DAPK2: variants seen among roughly 807,000 people sequenced by gnomAD.
DAPK2 encodes death-associated protein kinase 2.
Under a neutral mutation model 44.1 loss-of-function variants are expected in DAPK2, and 35 were observed. The ratio of observed to expected loss-of-function variants is 0.79; its 90% CI spans 0.61 to 1.05. The LOEUF is 1.05. DAPK2 is among the 50% of genes least tolerant of loss of function. DAPK2 has a pLI of 0.00. For synonymous variants in DAPK2, 174 were observed against 182.6 expected (o/e 0.95, Z 0.38); for missense variants, 453 against 483.2 (o/e 0.94, Z 0.59).
intron 3 of DAPK2, among the ~76,000 whole-genome samples, chr15:63,967,280 A>G (rs1483213520): frequency 1.3e-5 from 2 of 152,292 alleles, no homozygotes; most frequent in South Asian, 2.1e-4. Flanking sequence ...TTTTTTGTGT[A>G]TGGATAGTTG....
At chr15:64,027,181 G>A (rs944549919) in intron 1 of DAPK2, among the ~76,000 whole-genome samples, 4 of 152,106 alleles carry the variant, frequency 2.6e-5, no homozygotes, top group African/African-American at 4.8e-5. Context: ...TCAGGAATTC[G>A]AGACCAGCCA....
chr15:63,945,866 G>A (rs1013810914), intron 3 of DAPK2, among the ~76,000 whole-genome samples: 7 of 152,176 alleles, frequency 4.6e-5, no homozygotes, highest in Admixed American at 1.3e-4. Flanking sequence ...GTGTAAAGGC[G>A]CAGGTCTCCT....
upstream of DAPK2, among the ~76,000 whole-genome samples, chr15:64,044,715 C>T (rs535859343): frequency 4.1e-4 from 62 of 152,298 alleles, no homozygotes; most frequent in African/African-American, 1.5e-3. Flanking sequence ...ATAGGAAACT[C>T]TCAACACTCA....
intron 1 of DAPK2, among the ~76,000 whole-genome samples, chr15:64,026,074 C>T (rs1317835070): frequency 1.3e-5 from 2 of 152,078 alleles, no homozygotes; most frequent in Admixed American, 6.6e-5. Context: ...ACCCTGTGGA[C>T]GGCTGACTGG....
chr15:63,948,529 G>A (rs1248590405), intron 3 of DAPK2, among the ~76,000 whole-genome samples: 5 of 151,914 alleles, frequency 3.3e-5, no homozygotes, highest in Non-Finnish European at 7.4e-5. Flanking sequence ...GGCACTAAGG[G>A]GAAAATCCGC....
At chr15:64,012,317 T>C (rs779520897) in intron 1 of DAPK2, among the ~76,000 whole-genome samples, 19 of 152,236 alleles carry the variant, frequency 1.2e-4, no homozygotes, top group Non-Finnish European at 2.6e-4. Flanking sequence ...TCAAGAAATG[T>C]GATAAATCGA....
At position 63,925,678 on chromosome 15, in the gene DAPK2, GCACACACACA is replaced by G. The variant is rs3222873; in HGVS notation, c.812+253_812+262del. On this transcript the variant is annotated intron_variant, in intron 7 of 10. Coordinates refer to ENST00000261891, the Ensembl canonical transcript of DAPK2. ...AAAGAAACCCAGGCTGACTTGTAGC[GCACACACACA>G]CACACACACACACACACACACACAC... 4.2e-3 allele frequency among the ~76,000 whole-genome samples: 577 copies of G among 138,528 alleles called. 2 individuals carry two copies. The highest frequency in any genetic ancestry group is 0.015 in the African/African-American group (523 of 35,704). The allele number at this position is 138,528 out of a possible 152,430, so 90.9% of individuals were successfully genotyped here.
rs912767305 is a variant in DAPK2, at chr15:64,015,966, T to C, written c.92+24204A>G. On this transcript the variant is annotated intron_variant, in intron 1 of 10. Transcript: ENST00000261891. The stretch of plus-strand genomic sequence containing the variant: ...TTTGAAGCCACCCAGTTTGTGGCCA[T>C]TTGTTATGGAGGCCCCAGCAAACTA... Among the ~76,000 whole-genome samples, 6 of 152,198 alleles carry C rather than the reference T, an allele frequency of 3.9e-5. 1 individual carries two copies. Among genetic ancestry groups the C allele is most frequent in the Admixed American group, 3.3e-4 (5 of 15,280 alleles).
exon 10 of DAPK2, chr15:63,911,913 C>T (rs2078802469): frequency 1.9e-6 from 3 of 1,613,452 alleles, no homozygotes; most frequent in African/African-American, 2.7e-5. Flanking sequence ...CCCACCAGGT[C>T]CTCATCCGGC....
intron 1 of DAPK2, among the ~76,000 whole-genome samples, chr15:63,992,730 G>C (rs1200273089): frequency 1.3e-5 from 2 of 152,184 alleles, no homozygotes; most frequent in African/African-American, 4.8e-5. Context: ...GGAGCACAGG[G>C]AAGGAGAGAA....
chr15:64,016,838 GGGAAGGAAGGAAGGAA>G (rs56666247), intron 1 of DAPK2, among the ~76,000 whole-genome samples: 7,699 of 118,082 alleles, frequency 0.065, 389 homozygotes, highest in African/African-American at 0.14. Context: ...GAAGGAAGGA[GGGAAGGAAGGAAGGAA>G]GGAAGGAAGG....
chr15:63,945,411 G>A (rs2077423148), intron 3 of DAPK2, among the ~76,000 whole-genome samples: 1 of 152,136 alleles, frequency 6.6e-6, no homozygotes, highest in African/African-American at 2.4e-5. Flanking sequence ...AAGAATCCAG[G>A]GCCAGAGGCT....
upstream of DAPK2, among the ~76,000 whole-genome samples, chr15:64,040,774 G>A (rs376340019): frequency 1.3e-5 from 2 of 151,904 alleles, no homozygotes; most frequent in African/African-American, 4.8e-5. Context: ...AGCCGGGTAC[G>A]GTGGCATGCA....
In DAPK2 at chr15:63,923,821, G is replaced by C. The variant is rs2079159969; in HGVS notation, c.858+995C>G. Among the ~76,000 whole-genome samples, 1 of 152,146 alleles carries C rather than the reference G, an allele frequency of 6.6e-6. No individual in the cohort carries two copies. Among genetic ancestry groups the C allele is most frequent in the African/African-American group, 2.4e-5 (1 of 41,432 alleles). On this transcript the variant is annotated intron_variant, in intron 8 of 10. Transcript: ENST00000261891. The surrounding 1 kb of genome is among the most constrained non-coding windows in gnomAD (Gnocchi z 4.2). ...GCCCTCCCTGTTCTGTCTTCCACAGGCCTCACCTTCTCTTTGTATTGATTG... is the reference window on the plus strand; with the variant it reads ...GCCCTCCCTGTTCTGTCTTCCACAGCCCTCACCTTCTCTTTGTATTGATTG...
intron 1 of DAPK2, among the ~76,000 whole-genome samples, chr15:64,012,708 T>C (rs566549816): frequency 3.7e-4 from 56 of 152,352 alleles, no homozygotes; most frequent in African/African-American, 1.2e-3. Flanking sequence ...TGCATATGTA[T>C]GTTCATATAT....
At chr15:63,956,555 G>A (rs2077727908) in intron 3 of DAPK2, among the ~76,000 whole-genome samples, 1 of 150,922 alleles carries the variant, frequency 6.6e-6, no homozygotes, top group African/African-American at 2.4e-5. Flanking sequence ...TTTCCATTGT[G>A]GTCAGAGAAG....
At chr15:63,989,605 A>G (rs189638725) in intron 1 of DAPK2, among the ~76,000 whole-genome samples, 50 of 152,318 alleles carry the variant, frequency 3.3e-4, no homozygotes, top group African/African-American at 1.2e-3. Context: ...GGTGATAGTA[A>G]AAAGCAGACT....
chr15:63,998,488 G>A (rs1454363923), intron 1 of DAPK2, among the ~76,000 whole-genome samples: 1 of 152,252 alleles, frequency 6.6e-6, no homozygotes, highest in Non-Finnish European at 1.5e-5. Context: ...TGGGGACTCT[G>A]CAGGGTCTCT....
chr15:63,935,145 C>T (rs1467747054), intron 4 of DAPK2, among the ~76,000 whole-genome samples: 1 of 142,294 alleles, frequency 7.0e-6, no homozygotes. Context: ...GGCTAGAGTG[C>T]AATGGCGAGA....
Sources: allele counts gnomAD v4.1 joint callset (sites outside exome capture counted in the v4.1 genomes callset), GRCh38; gene constraint gnomAD v4.1.1; non-coding constraint Gnocchi (gnomAD v3.1); transcripts MANE v1.5; gene names NCBI Gene and HGNC (gene_info 2026-07-23, HGNC 2026-07-21).